LRRC3B: variants seen among roughly 807,000 people sequenced by gnomAD.
LRRC3B encodes the protein leucine-rich repeat-containing protein 3B.
A neutral mutation model predicts 12.8 loss-of-function variants in LRRC3B; 2 were observed. The observed-to-expected ratio is 0.16, with a 90% confidence interval of 0.06 to 0.49. The LOEUF (loss-of-function observed/expected upper bound fraction) is 0.49. Ranked by LOEUF, LRRC3B falls within the 20% of genes least tolerant of loss-of-function variation. LRRC3B has a pLI of 0.96. For missense variants in LRRC3B, 189 were observed against 319.4 expected (o/e 0.59, Z 3.11); for synonymous variants, 132 against 122.0 (o/e 1.08, Z -0.54).
intron 1 of LRRC3B, among the ~76,000 whole-genome samples, 189 bp downstream of exon 1, chr3:26,623,426 G>A (rs1470131531): frequency 6.6e-6 from 1 of 152,104 alleles, no homozygotes; most frequent in African/African-American, 2.4e-5. Context: ...AGAGAGAGTC[G>A]ACCCTCTTCG....
At position 26,671,383 on chromosome 3, in the gene LRRC3B, G is replaced by T. The variant is rs1272216690; in HGVS notation, c.-160-38130G>T. ...ATATATATATATATATAGAGAGAGA[G>T]AGAGAGAGAGAGAGAGAGAGAGAGA... On this transcript the variant is annotated intron_variant, in intron 1 of 1. Transcript: ENST00000396641. Among the ~76,000 whole-genome samples the T allele has an allele frequency of 1.5e-3, 149 of 97,656 alleles. 2 individuals carry two copies. Among genetic ancestry groups the T allele is most frequent in the African/African-American group, 5.7e-3 (120 of 21,002 alleles). 64.1% of individuals were successfully genotyped at this position (97,656 alleles called of 152,430 possible).
intron 1 of LRRC3B, among the ~76,000 whole-genome samples, chr3:26,654,919 CTT>C (rs1699339258): frequency 6.6e-6 from 1 of 152,186 alleles, no homozygotes; most frequent in Non-Finnish European, 1.5e-5. Context: ...CATTTCCTAA[CTT>C]GAGTCATTGC....
In LRRC3B at chr3:26,687,009, T is replaced by G. The variant is rs533724626; in HGVS notation, c.-160-22504T>G. ...CGAATGGGTCACTAATTGAAAGCTC[T>G]CTGCTGCCAACACTCCCAGAAGCTG... is the stretch of plus-strand genomic sequence containing the variant. On this transcript the variant is annotated intron_variant, in intron 1 of 1. Transcript: ENST00000396641. Among the ~76,000 whole-genome samples the G allele has an allele frequency of 2.4e-4, 36 of 152,262 alleles. No homozygotes were observed. In the East Asian group the frequency reaches 6.9e-3, roughly 29 times the overall value.
intron 1 of LRRC3B, among the ~76,000 whole-genome samples, chr3:26,639,245 A>G (rs1184573988): frequency 6.6e-6 from 1 of 152,166 alleles, no homozygotes; most frequent in Non-Finnish European, 1.5e-5. Context: ...TATATTCAAA[A>G]TTATCGTTTT....
At chr3:26,664,995 A>T (rs140415083) in intron 1 of LRRC3B, among the ~76,000 whole-genome samples, 84 of 151,646 alleles carry the variant, frequency 5.5e-4, no homozygotes, top group Non-Finnish European at 1.0e-3. Flanking sequence ...TTCCTAGGTG[A>T]TATGGATGCT....
At chr3:26,671,348 G>GTATATATATATATA (rs1559361621) in intron 1 of LRRC3B, among the ~76,000 whole-genome samples, 1 of 66,366 alleles carries the variant, frequency 1.5e-5, no homozygotes, top group African/African-American at 6.2e-5. Flanking sequence ...GTATATATGT[G>GTATATATATATATA]TGTATATATA....
chr3:26,678,469 G>A (rs1479211799), intron 1 of LRRC3B, among the ~76,000 whole-genome samples: 1 of 151,180 alleles, frequency 6.6e-6, no homozygotes, highest in African/African-American at 2.5e-5. Context: ...ATTTCAGCCT[G>A]GGTAACAGAT....
chr3:26,624,877 G>C (rs907096627), intron 1 of LRRC3B: 1 of 152,224 alleles, frequency 6.6e-6, no homozygotes, highest in Non-Finnish European at 1.5e-5. Context: ...GCGGGAGGGG[G>C]CTTAGTCGGC....
At chr3:26,704,242 G>A (rs537489043) in intron 1 of LRRC3B, among the ~76,000 whole-genome samples, 1 of 151,900 alleles carries the variant, frequency 6.6e-6, no homozygotes, top group Non-Finnish European at 1.5e-5. Context: ...GCTCTTTAGG[G>A]TAATCTTTGG....
At chr3:26,707,492 G>GTACTC (rs1700628138) in intron 1 of LRRC3B, among the ~76,000 whole-genome samples, 1 of 152,142 alleles carries the variant, frequency 6.6e-6, no homozygotes. Flanking sequence ...CATGGAGCTT[G>GTACTC]TACTCTGAAT....
chr3:26,627,672 T>G (rs1575107680), intron 1 of LRRC3B, among the ~76,000 whole-genome samples: 2 of 151,980 alleles, frequency 1.3e-5, no homozygotes, highest in Admixed American at 1.3e-4. Context: ...TTGTGTCAGG[T>G]TGACTGTTCT....
At chr3:26,653,352 T>C (rs1269446560) in intron 1 of LRRC3B, among the ~76,000 whole-genome samples, 1 of 111,646 alleles carries the variant, frequency 9.0e-6, no homozygotes, top group Admixed American at 8.4e-5. Flanking sequence ...TTTCTGTCAT[T>C]TTTTTTACAG....
At chr3:26,657,229 A>T (rs948864318) in intron 1 of LRRC3B, among the ~76,000 whole-genome samples, 1 of 152,218 alleles carries the variant, frequency 6.6e-6, no homozygotes, top group Non-Finnish European at 1.5e-5. Flanking sequence ...AGTAAATTTT[A>T]TCAAAGAACT....
At position 26,709,122 on chromosome 3, in the gene LRRC3B, T is replaced by G. The variant is rs566272709; in HGVS notation, c.-160-391T>G. Among the ~76,000 whole-genome samples, 4 of 152,362 alleles carry G rather than the reference T, an allele frequency of 2.6e-5. No homozygotes were observed. In the South Asian group the frequency reaches 8.3e-4, roughly 32 times the overall value. On this transcript the variant is annotated intron_variant, in intron 1 of 1. Coordinates refer to ENST00000396641, the Ensembl canonical transcript of LRRC3B. ...AAATATTGGTATTATTTCTCATTGC[T>G]GCCCAAGTGCAGGACTAAATTACAT...
At chr3:26,665,234 C>T (rs934242405) in intron 1 of LRRC3B, among the ~76,000 whole-genome samples, 3 of 152,116 alleles carry the variant, frequency 2.0e-5, no homozygotes, top group African/African-American at 7.2e-5. Context: ...GAGCAGAGTT[C>T]TGTGGCCTCA....
intron 1 of LRRC3B, among the ~76,000 whole-genome samples, chr3:26,628,817 C>A (rs189654303): frequency 1.4e-5 from 2 of 141,206 alleles, no homozygotes; most frequent in Non-Finnish European, 3.0e-5. Flanking sequence ...CCATTTAGTT[C>A]TTTCAAAATA....
At chr3:26,631,739 A>G (rs1698761729) in intron 1 of LRRC3B, among the ~76,000 whole-genome samples, 1 of 152,004 alleles carries the variant, frequency 6.6e-6, no homozygotes, top group South Asian at 2.1e-4. Flanking sequence ...GTGCACATAG[A>G]CTATTTGGGA....
chr3:26,669,025 A>C (rs1699665730), intron 1 of LRRC3B, among the ~76,000 whole-genome samples: 1 of 152,230 alleles, frequency 6.6e-6, no homozygotes, highest in South Asian at 2.1e-4. Context: ...TTAATATGTC[A>C]TGTACACATG....
intron 1 of LRRC3B, among the ~76,000 whole-genome samples, chr3:26,649,743 A>T (rs1436338083): frequency 6.6e-6 from 1 of 152,180 alleles, no homozygotes; most frequent in Non-Finnish European, 1.5e-5. Context: ...GTAACCTTAA[A>T]CTATCTATAA....
Sources: allele counts gnomAD v4.1 joint callset (sites outside exome capture counted in the v4.1 genomes callset), GRCh38; gene constraint gnomAD v4.1.1; transcripts MANE v1.5; gene names NCBI Gene and HGNC (gene_info 2026-07-23, HGNC 2026-07-21).